Variants in NRG3 observed in about 807,000 individuals in gnomAD.
The protein encoded by NRG3 is neuregulin 3, also known as pro-neuregulin-3, membrane-bound isoform.
A neutral mutation model predicts 66.9 loss-of-function variants in NRG3; 31 were observed. That is an observed-to-expected ratio of 0.46 (90% CI 0.35 to 0.63). The LOEUF (loss-of-function observed/expected upper bound fraction) is 0.63, where lower values mean the gene tolerates loss of function less well. Among genes scored for constraint, NRG3 ranks in the 20% least tolerant of loss-of-function variants. The pLI, the probability that NRG3 is intolerant of heterozygous loss-of-function variation, is 0.00. For synonymous variants in NRG3, 393 were observed against 359.4 expected (o/e 1.09, Z -1.06); for missense variants, 910 against 878.9 (o/e 1.04, Z -0.45).
chr10:82,025,729 G>C (rs1208764543), intron 1 of NRG3, among the ~76,000 whole-genome samples: 1 of 152,190 alleles, frequency 6.6e-6, no homozygotes, highest in Admixed American at 6.6e-5. Context: ...AGGTTACTAA[G>C]AGAATCCAAA....
intron 1 of NRG3, among the ~76,000 whole-genome samples, chr10:82,196,651 A>T (rs1325424255): frequency 1.3e-5 from 2 of 152,188 alleles, no homozygotes; most frequent in Non-Finnish European, 2.9e-5. Context: ...AAAATATGTC[A>T]CCATACTTAC....
chr10:82,933,949 G>A (rs139652493), intron 4 of NRG3, among the ~76,000 whole-genome samples: 2,116 of 152,222 alleles, frequency 0.014, 29 homozygotes, highest in African/African-American at 0.043. Flanking sequence ...CTTGAGTATG[G>A]AATCCCAAAA....
intron 2 of NRG3, among the ~76,000 whole-genome samples, chr10:82,725,656 C>T (rs759043614): frequency 6.6e-6 from 1 of 152,124 alleles, no homozygotes; most frequent in Non-Finnish European, 1.5e-5. Flanking sequence ...AAATACAGTA[C>T]ACCTGTTCAC....
chr10:82,309,376 C>T (rs2080907119), intron 1 of NRG3, among the ~76,000 whole-genome samples: 1 of 151,872 alleles, frequency 6.6e-6, no homozygotes, highest in Admixed American at 6.6e-5. Flanking sequence ...TGTTCTGCCA[C>T]TTGTAGTATT....
At chr10:82,746,998 G>A (rs7084223) in intron 3 of NRG3, among the ~76,000 whole-genome samples, 8,304 of 152,084 alleles carry the variant, frequency 0.055, 692 homozygotes, top group African/African-American at 0.18. Context: ...CTGGAGGATC[G>A]CTTGAGCTCA....
At chr10:82,311,524 TAAATA>T (rs2081026284) in intron 1 of NRG3, among the ~76,000 whole-genome samples, 1 of 152,234 alleles carries the variant, frequency 6.6e-6, no homozygotes, top group African/African-American at 2.4e-5. Flanking sequence ...TCATTATAGC[TAAATA>T]AAATAAAAAA....
chr10:82,684,822 C>T (rs528218949), intron 2 of NRG3, among the ~76,000 whole-genome samples: 117 of 151,840 alleles, frequency 7.7e-4, no homozygotes, highest in African/African-American at 2.4e-3. Flanking sequence ...GTGGAGCAAG[C>T]AAAGGTCCAA....
chr10:82,634,265 A>C (rs74146137), intron 2 of NRG3, among the ~76,000 whole-genome samples: 15,377 of 152,196 alleles, frequency 0.1, 906 homozygotes, highest in East Asian at 0.22. Flanking sequence ...AAGATCAATT[A>C]AAAGCAGAAT....
chr10:82,023,552 A>G (rs536563197), intron 1 of NRG3, among the ~76,000 whole-genome samples: 6 of 152,104 alleles, frequency 3.9e-5, no homozygotes, highest in African/African-American at 1.4e-4. Context: ...ATTTGTTGAG[A>G]GTTTTCATCA....
chr10:81,985,217 T>G (rs2060475988), intron 1 of NRG3, among the ~76,000 whole-genome samples: 1 of 152,332 alleles, frequency 6.6e-6, no homozygotes, highest in South Asian at 2.1e-4. Flanking sequence ...AGCACAACAT[T>G]AATACAACTA....
chr10:82,391,420 A>G (rs980838050), intron 2 of NRG3, among the ~76,000 whole-genome samples: 1 of 152,204 alleles, frequency 6.6e-6, no homozygotes, highest in Non-Finnish European at 1.5e-5. Flanking sequence ...AATGTCAACA[A>G]AGAGTCAGCA....
At position 82,471,385 on chromosome 10, in the gene NRG3, C is replaced by G. The variant is rs575905759; in HGVS notation, c.953+112517C>G. Reference sequence around the variant, plus strand: ...TCTCTTTAAACTTGGCTGTCTCACTCTCTGTTACCTGGTTGCCTGCTGGCT... The same window carrying G: ...TCTCTTTAAACTTGGCTGTCTCACTGTCTGTTACCTGGTTGCCTGCTGGCT... On this transcript the variant is annotated intron_variant, in intron 2 of 8. Transcript: ENST00000372141. Among the ~76,000 whole-genome samples the G allele has an allele frequency of 2.4e-4, 37 of 152,250 alleles. No individual in the cohort carries two copies. The South Asian group carries it at 7.5e-3, about 31-fold the overall frequency.
chr10:82,674,151 A>G (rs2053500748), intron 2 of NRG3, among the ~76,000 whole-genome samples: 1 of 152,176 alleles, frequency 6.6e-6, no homozygotes, highest in Non-Finnish European at 1.5e-5. Context: ...TAGACAAAGC[A>G]AGTAGTTAGA....
At chr10:82,307,845 G>GT (rs1245297281) in intron 1 of NRG3, among the ~76,000 whole-genome samples, 1 of 150,924 alleles carries the variant, frequency 6.6e-6, no homozygotes, top group Non-Finnish European at 1.5e-5. Context: ...TCTCTGGATG[G>GT]TTTCACTATT....
At chr10:82,729,018 C>A (rs2057758332) in intron 2 of NRG3, among the ~76,000 whole-genome samples, 1 of 151,902 alleles carries the variant, frequency 6.6e-6, no homozygotes, top group Non-Finnish European at 1.5e-5. Context: ...TGTAAAGGTA[C>A]ACAGAGCATG....
chr10:82,606,303 A>G (rs555329907), intron 2 of NRG3, among the ~76,000 whole-genome samples: 8 of 152,306 alleles, frequency 5.3e-5, no homozygotes, highest in Middle Eastern at 6.8e-3. Context: ...GAAGTGTGGT[A>G]TATAATCTTC....
At chr10:82,672,229 G>A (rs773581926) in intron 2 of NRG3, among the ~76,000 whole-genome samples, 22 of 152,174 alleles carry the variant, frequency 1.4e-4, no homozygotes, top group Non-Finnish European at 2.8e-4. Flanking sequence ...GGGACAGAAA[G>A]TGCAAAGGGT....
intron 2 of NRG3, among the ~76,000 whole-genome samples, chr10:82,571,077 A>C (rs919182335): frequency 1.4e-4 from 21 of 151,544 alleles, no homozygotes; most frequent in African/African-American, 4.8e-4. Context: ...TTCCATACAT[A>C]GGTATATATA....
intron 2 of NRG3, among the ~76,000 whole-genome samples, chr10:82,474,645 G>A (rs1297885566): frequency 1.3e-5 from 2 of 152,122 alleles, no homozygotes; most frequent in Non-Finnish European, 2.9e-5. Flanking sequence ...GGGGACCAAT[G>A]TATGTACTAC....
Sources: allele counts gnomAD v4.1 joint callset (sites outside exome capture counted in the v4.1 genomes callset), GRCh38; gene constraint gnomAD v4.1.1; transcripts MANE v1.5; gene names NCBI Gene and HGNC (gene_info 2026-07-23, HGNC 2026-07-21).